CCSER1: variants seen among roughly 807,000 people sequenced by gnomAD.
The protein encoded by CCSER1 is serine-rich coiled-coil domain-containing protein 1.
CCSER1 carries 41 observed loss-of-function variants against 82.0 expected under a neutral mutation model. The observed-to-expected ratio is 0.50, with a 90% confidence interval of 0.39 to 0.65. The LOEUF is 0.65. CCSER1 is among the 30% of genes least tolerant of loss of function. CCSER1 has a pLI of 0.00. For missense variants in CCSER1, 1,119 were observed against 1,064.2 expected, an observed-to-expected ratio of 1.05 and a Z score of -0.72; for synonymous variants, 414 against 383.9, an observed-to-expected ratio of 1.08 and a Z score of -0.92.
chr4:90,165,076 G>A (rs982807755), intron 1 of CCSER1, among the ~76,000 whole-genome samples: 1 of 151,966 alleles, frequency 6.6e-6, no homozygotes, highest in Non-Finnish European at 1.5e-5. Flanking sequence ...AACTCTTAAG[G>A]CTGAACCTGT....
chr4:91,281,396 T>C (rs1742899497), intron 10 of CCSER1, among the ~76,000 whole-genome samples: 1 of 152,110 alleles, frequency 6.6e-6, no homozygotes, highest in South Asian at 2.1e-4. Flanking sequence ...AGCATAAACA[T>C]ATAACTAAAT....
At chr4:90,924,918 G>GAA (rs1483770729) in intron 9 of CCSER1, among the ~76,000 whole-genome samples, 2 of 152,020 alleles carry the variant, frequency 1.3e-5, no homozygotes, top group Non-Finnish European at 2.9e-5. Context: ...GTAGAGACAG[G>GAA]GTTTCATCAT....
chr4:91,470,727 C>T (rs536597502), intron 10 of CCSER1, among the ~76,000 whole-genome samples: 3 of 152,244 alleles, frequency 2.0e-5, no homozygotes, highest in Middle Eastern at 6.8e-3. Flanking sequence ...GCCATATCTG[C>T]TATGAGTTCT....
intron 5 of CCSER1, among the ~76,000 whole-genome samples, chr4:90,568,554 A>G (rs901172383): frequency 3.9e-5 from 6 of 152,140 alleles, no homozygotes; most frequent in South Asian, 4.1e-4. Context: ...GTGTCTCTAC[A>G]AGTAAAGTGA....
intron 1 of CCSER1, among the ~76,000 whole-genome samples, chr4:90,182,227 TC>T (rs1365897846): frequency 6.6e-6 from 1 of 152,176 alleles, no homozygotes; most frequent in Non-Finnish European, 1.5e-5. Context: ...AAATATGACT[TC>T]TTATACTTTG....
intron 1 of CCSER1, among the ~76,000 whole-genome samples, chr4:90,183,331 C>T (rs1560757892): frequency 6.6e-6 from 1 of 152,022 alleles, no homozygotes; most frequent in Non-Finnish European, 1.5e-5. Flanking sequence ...GGGGTAATAA[C>T]TAATTCCTTA....
At chr4:91,108,898 G>C (rs1191503657) in intron 10 of CCSER1, among the ~76,000 whole-genome samples, 2 of 152,186 alleles carry the variant, frequency 1.3e-5, no homozygotes, top group Admixed American at 6.5e-5. Flanking sequence ...ATTTGAATCA[G>C]TAGACTGAAT....
At chr4:90,705,475 G>A (rs751404765) in intron 6 of CCSER1, among the ~76,000 whole-genome samples, 9 of 152,172 alleles carry the variant, frequency 5.9e-5, no homozygotes, top group Non-Finnish European at 1.2e-4. Context: ...TTCCATGCTG[G>A]GAGAACTACT....
rs202117593 is a variant in CCSER1, at chr4:90,571,377, C to T, written c.1725-56648C>T. On this transcript the variant is annotated intron_variant, in intron 5 of 10. Transcript: ENST00000509176. ...TGATAAAGAACATGTGGCACAGATA[C>T]ACCATGGAAAGCTGTGCAGCCATAA... Among the ~76,000 whole-genome samples, 8 of 152,314 alleles carry T rather than the reference C, an allele frequency of 5.3e-5. No individual in the cohort carries two copies. In the East Asian group the frequency reaches 1.5e-3, roughly 29 times the overall value.
chr4:91,517,785 T>TGTGTGTG (rs202065729), intron 10 of CCSER1, among the ~76,000 whole-genome samples: 2 of 81,486 alleles, frequency 2.5e-5, no homozygotes, highest in Non-Finnish European at 5.8e-5. Context: ...TGTGTGTGTG[T>TGTGTGTG]TTAACTTTGA....
chr4:90,633,403 A>G (rs1362561459), intron 6 of CCSER1, among the ~76,000 whole-genome samples: 2 of 152,020 alleles, frequency 1.3e-5, no homozygotes, highest in African/African-American at 2.4e-5. Context: ...ATCAAGACCC[A>G]TTTGTATGCC....
chr4:90,341,361 T>G, intron 3 of CCSER1, among the ~76,000 whole-genome samples: 1 of 152,130 alleles, frequency 6.6e-6, no homozygotes, highest in East Asian at 1.9e-4. Flanking sequence ...TGACAATGTT[T>G]AGATGGCATG....
At chr4:90,862,743 C>A (rs1231698714) in intron 8 of CCSER1, among the ~76,000 whole-genome samples, 1 of 151,788 alleles carries the variant, frequency 6.6e-6, no homozygotes, top group African/African-American at 2.4e-5. Context: ...TCCACAAAAA[C>A]GCTACTACTA....
chr4:90,209,252 T>C (rs1739492098), intron 1 of CCSER1, among the ~76,000 whole-genome samples: 2 of 152,144 alleles, frequency 1.3e-5, no homozygotes, highest in African/African-American at 2.4e-5. Flanking sequence ...AGTGTTCTGG[T>C]CATGAGAGCC....
chr4:91,466,828 C>T (rs537192804), intron 10 of CCSER1, among the ~76,000 whole-genome samples: 202 of 152,250 alleles, frequency 1.3e-3, no homozygotes, highest in African/African-American at 4.7e-3. Flanking sequence ...AGGAGAACTA[C>T]AAACCACTGC....
chr4:90,271,838 ATATATATATATATATATATATATATT>A (rs1473268938), intron 1 of CCSER1, among the ~76,000 whole-genome samples: 2 of 18,410 alleles, frequency 1.1e-4, no homozygotes, highest in East Asian at 2.5e-3. Flanking sequence ...ATATATATAT[ATATATATATATATATATATATATATT>A]TTTTTTTTTT....
intron 6 of CCSER1, among the ~76,000 whole-genome samples, chr4:90,648,075 T>C (rs561316948): frequency 5.3e-5 from 8 of 152,088 alleles, no homozygotes; most frequent in African/African-American, 1.9e-4. Flanking sequence ...TATGTTTACC[T>C]TTTAGGTTCA....
At chr4:91,015,744 G>A (rs1323547285) in intron 9 of CCSER1, among the ~76,000 whole-genome samples, 2 of 151,568 alleles carry the variant, frequency 1.3e-5, no homozygotes, top group Non-Finnish European at 3.0e-5. Context: ...TTAATTTTTA[G>A]ATCAAATGTA....
chr4:91,336,216 A>G (rs1453412607), intron 10 of CCSER1, among the ~76,000 whole-genome samples: 2 of 152,142 alleles, frequency 1.3e-5, no homozygotes, highest in Non-Finnish European at 2.9e-5. Flanking sequence ...CAGCATAGTT[A>G]TATATCTGTG....
Sources: allele counts gnomAD v4.1 joint callset (sites outside exome capture counted in the v4.1 genomes callset), GRCh38; gene constraint gnomAD v4.1.1; transcripts MANE v1.5; gene names NCBI Gene and HGNC (gene_info 2026-07-23, HGNC 2026-07-21).